The following KBTBD2 variants were observed in gnomAD, a reference collection of about 807,000 sequenced individuals.
KBTBD2 encodes the protein kelch repeat and BTB domain containing 2.
In KBTBD2, 17 loss-of-function variants were observed where a neutral mutation model predicts 57.1. The observed-to-expected ratio is 0.30, with a 90% CI of 0.20 to 0.45. The LOEUF (loss-of-function observed/expected upper bound fraction) is 0.45, where lower values mean the gene tolerates loss of function less well. Ranked by LOEUF, KBTBD2 falls within the 20% of genes least tolerant of loss-of-function variation. The pLI is 1.00. For missense variants in KBTBD2, 515 were observed against 750.6 expected (o/e 0.69, Z 3.67); for synonymous variants, 267 against 262.7 (o/e 1.02, Z -0.16).
At chr7:32,878,111 A>T (rs1458523267) in intron 2 of KBTBD2, among the ~76,000 whole-genome samples, 4 of 133,206 alleles carry the variant, frequency 3.0e-5, no homozygotes, top group Admixed American at 7.5e-5. Flanking sequence ...GACTGTCTTT[A>T]AAAAAAAAAA....
intron 3 of KBTBD2, among the ~76,000 whole-genome samples, chr7:32,871,489 G>A (rs971320566): frequency 6.6e-6 from 1 of 152,172 alleles, no homozygotes; most frequent in African/African-American, 2.4e-5. Context: ...TAAGAAGGTA[G>A]ATCTCAGTTG....
chr7:32,868,358 G>C lies in KBTBD2; in HGVS notation c.*987C>G, dbSNP rs1204487817. ...AGCAGCGCTAGTTATCTGCTCTTCT[G>C]CACAGCTAGTGCAGAGAATTCCTGA... On this transcript the variant is annotated 3_prime_UTR_variant, in exon 4 of 4. Transcript: ENST00000304056. 6.6e-6 allele frequency: 1 copy of C among 152,456 alleles called. No homozygotes were observed. Among genetic ancestry groups the C allele is most frequent in the African/African-American group, 2.4e-5 (1 of 41,372 alleles). 9.4% of individuals were successfully genotyped at this position (152,456 alleles called of 1,614,324 possible). A position where few individuals can be genotyped will look rare whatever the true frequency, so the allele number is the denominator to read the frequency against.
intron 2 of KBTBD2, among the ~76,000 whole-genome samples, chr7:32,876,938 C>G (rs1226001461): frequency 6.6e-6 from 1 of 152,134 alleles, no homozygotes; most frequent in African/African-American, 2.4e-5. Context: ...ACCCGGGCAA[C>G]AAAAGTGAAA....
chr7:32,887,399 CA>C (rs527453117), intron 1 of KBTBD2, among the ~76,000 whole-genome samples: 12 of 151,726 alleles, frequency 7.9e-5, no homozygotes, highest in African/African-American at 2.4e-4. Flanking sequence ...GTTCTCACCA[CA>C]AAAAAAATAA....
intron 1 of KBTBD2, among the ~76,000 whole-genome samples, chr7:32,887,407 AT>A (rs1389385562): frequency 1.3e-5 from 2 of 152,232 alleles, no homozygotes; most frequent in African/African-American, 2.4e-5. Context: ...CACAAAAAAA[AT>A]AAGTACATGA....
chr7:32,891,891 C>CCCCCCCCGCCCCCGCCCCCGTCTT, upstream of KBTBD2: 1 of 132,134 alleles, frequency 7.6e-6, no homozygotes, highest in Non-Finnish European at 1.6e-5. Context: ...GCCCCCGCCG[C>CCCCCCCCGCCCCCGCCCCCGTCTT]CCCCGCCCCC....
At chr7:32,877,494 A>T (rs1290465683) in intron 2 of KBTBD2, among the ~76,000 whole-genome samples, 1 of 152,214 alleles carries the variant, frequency 6.6e-6, no homozygotes, top group Non-Finnish European at 1.5e-5. Flanking sequence ...GGATAGACAG[A>T]ACTGGTAACT....
At chr7:32,881,545 C>T (rs1784444806) in intron 1 of KBTBD2, among the ~76,000 whole-genome samples, 1 of 152,136 alleles carries the variant, frequency 6.6e-6, no homozygotes, top group Admixed American at 6.5e-5. Context: ...TATACTATTA[C>T]AGTAACTGCT....
intron 1 of KBTBD2, among the ~76,000 whole-genome samples, 186 bp downstream of exon 1, chr7:32,891,321 GGGCCGCCGCGGGGTGCGGAGGGCGGCGCC>G (rs1030298703): frequency 6.1e-5 from 9 of 148,352 alleles, no homozygotes; most frequent in African/African-American, 2.2e-4. Flanking sequence ...CGCCGCCCTG[GGGCCGCCGCGGGGTGCGGAGGGCGGCGCC>G]GGCCGCCCGC....
Position 32,869,765 on chromosome 7 carries a change from G to C in KBTBD2, c.1452C>G (p.Gly484=). ...IGGLHIATNS[G]IRLPSGTVDG... ...CTACAGTGCCAGAGGGGAGTCTTAT[G>C]CCGGAATTGGTAGCAATATGCAACC... The change falls in exon 4 of 4, where the codon GGC becomes GGG. Residue 484 remains glycine, a synonymous_variant. Transcript: ENST00000304056. The C allele has an allele frequency of 6.2e-7, 1 of 1,614,008 alleles. No homozygotes were observed. The highest frequency in any genetic ancestry group is 8.5e-7 in the Non-Finnish European group (1 of 1,180,014).
At chr7:32,892,145 G>A (rs553486219), upstream of KBTBD2, 2 of 152,288 alleles carry the variant, frequency 1.3e-5, no homozygotes, top group South Asian at 4.1e-4. Context: ...CAAAACAATT[G>A]GGGCCGCGCA....
chr7:32,881,210 G>C (rs1468282009), intron 1 of KBTBD2, among the ~76,000 whole-genome samples: 2 of 151,548 alleles, frequency 1.3e-5, no homozygotes, highest in Non-Finnish European at 2.9e-5. Context: ...CTGCTCAAGG[G>C]GGCAAAAAAA....
intron 1 of KBTBD2, among the ~76,000 whole-genome samples, chr7:32,889,006 T>C (rs1470732103): frequency 6.6e-6 from 1 of 152,070 alleles, no homozygotes; most frequent in Non-Finnish European, 1.5e-5. Context: ...CTCTGCGCAG[T>C]GACTTAAGAA....
chr7:32,882,350 T>G (rs1045596325), intron 1 of KBTBD2, among the ~76,000 whole-genome samples: 1 of 152,216 alleles, frequency 6.6e-6, no homozygotes, highest in Admixed American at 6.5e-5. Context: ...TCTTGCAGGC[T>G]AGCGGTACAG....
chr7:32,876,931 C>G (rs542084528), intron 2 of KBTBD2, among the ~76,000 whole-genome samples: 2 of 152,138 alleles, frequency 1.3e-5, no homozygotes, highest in East Asian at 3.9e-4. Context: ...CACTCCAACC[C>G]GGGCAACAAA....
rs1362954463 is a variant in KBTBD2, at chr7:32,868,289, G to A, written c.*1056C>T. 6.6e-6 allele frequency: 1 copy of A among 152,538 alleles called. No individual in the cohort carries two copies. The highest frequency in any genetic ancestry group is 1.5e-5 in the Non-Finnish European group (1 of 68,030). The allele number at this position is 152,538 out of a possible 1,614,324, so 9.4% of individuals were successfully genotyped here. A position where few individuals can be genotyped will look rare whatever the true frequency, so the allele number is the denominator to read the frequency against. On this transcript the variant is annotated 3_prime_UTR_variant, in exon 4 of 4. Transcript: ENST00000304056. ...GAAGCACCTGTGCTCATGTTAGATT[G>A]GCGGCGCCCCACTACTGCTAGTGGT...
chr7:32,887,425 A>C (rs1334833403), intron 1 of KBTBD2, among the ~76,000 whole-genome samples: 1 of 152,258 alleles, frequency 6.6e-6, no homozygotes, highest in Admixed American at 6.5e-5. Context: ...ATGAGGTGAC[A>C]GATGTAAATA....
intron 1 of KBTBD2, chr7:32,891,149 T>A (rs984531409): frequency 4.6e-5 from 7 of 151,298 alleles, no homozygotes; most frequent in Non-Finnish European, 1.0e-4. Flanking sequence ...ACGTCGCGAG[T>A]CTTTAAGGGA....
At chr7:32,881,961 G>A (rs1015122046) in intron 1 of KBTBD2, among the ~76,000 whole-genome samples, 1 of 152,124 alleles carries the variant, frequency 6.6e-6, no homozygotes. Flanking sequence ...GTCTCAGGTA[G>A]CAATGGATAA....
Sources: gnomAD v4.1 joint callset for allele counts (sites outside exome capture counted in the v4.1 genomes callset) on GRCh38, gnomAD v4.1.1 for gene constraint, MANE v1.5 for transcripts, NCBI Gene and HGNC (gene_info 2026-07-23, HGNC 2026-07-21) for gene names.